The following MPP2 variants were observed in gnomAD, a reference collection of about 807,000 sequenced individuals.
The protein encoded by MPP2 is MAGUK p55 scaffold protein 2, also known as MAGUK p55 subfamily member 2.
MPP2 carries 42 observed loss-of-function variants against 58.5 expected under a neutral mutation model. The ratio of observed to expected loss-of-function variants is 0.72; its 90% CI spans 0.56 to 0.93. The LOEUF is 0.93. MPP2 is among the 40% of genes least tolerant of loss of function. The pLI is 0.00. For missense variants in MPP2, 632 were observed against 760.4 expected (o/e 0.83, Z 1.99); for synonymous variants, 300 against 307.8 (o/e 0.97, Z 0.26).
upstream of MPP2, chr17:43,908,027 G>C (rs2048358642): frequency 1.0e-6 from 1 of 958,674 alleles, no homozygotes; most frequent in Non-Finnish European, 1.2e-6. Context: ...TAAGGACTCA[G>C]AGGGTGGATA....
In MPP2 at chr17:43,882,944, C is replaced by T. The variant is rs368984397; in HGVS notation, c.412G>A (p.Val138Met). 13 of 1,614,196 alleles carry T rather than the reference C, an allele frequency of 8.1e-6. No homozygotes were observed. Among genetic ancestry groups the T allele is most frequent in the Non-Finnish European group, 9.3e-6 (11 of 1,180,040 alleles). ...FSNQPVPPDAVRMVGIRKTAG... is the reference protein window; with the variant it reads ...FSNQPVPPDAMRMVGIRKTAG... ...GTCTTGCGGATGCCCACCATGCGCACAGCATCGGGAGGTACAGGCTGGTTG... is the reference window on the plus strand; with the variant it reads ...GTCTTGCGGATGCCCACCATGCGCATAGCATCGGGAGGTACAGGCTGGTTG... Residue 138 changes from valine (V) to methionine (M), a missense_variant, in exon 5 of 13, where the codon GTG becomes ATG. By Grantham distance (21) the Val-to-Met change is conservative. Transcript: ENST00000269095.
At chr17:43,901,374 C>A in intron 2 of MPP2, 2 of 985,504 alleles carry the variant, frequency 2.0e-6, no homozygotes, top group Non-Finnish European at 2.4e-6. Flanking sequence ...GCAAGTCAGG[C>A]ATCTTGGAAC....
intron 12 of MPP2, 121 bp from the exon 13 acceptor site, chr17:43,878,104 G>A: frequency 1.8e-6 from 2 of 1,109,316 alleles, no homozygotes; most frequent in Non-Finnish European, 2.5e-6. Flanking sequence ...TGGACTCCCT[G>A]GCTAGGGAGG....
At chr17:43,907,250 G>A (rs1215870999) in intron 1 of MPP2, 8 of 985,558 alleles carry the variant, frequency 8.1e-6, no homozygotes, top group Non-Finnish European at 9.6e-6. Context: ...CCTACCGCAG[G>A]GGCGGGGACC....
intron 8 of MPP2, 28 bp downstream of exon 8, chr17:43,881,216 G>C: frequency 6.2e-7 from 1 of 1,613,630 alleles, no homozygotes; most frequent in Non-Finnish European, 8.5e-7. Context: ...TCCCAGATTG[G>C]AGGTGTGGGG....
At chr17:43,886,485 T>C (rs1401771441) in intron 3 of MPP2, among the ~76,000 whole-genome samples, 3 of 152,190 alleles carry the variant, frequency 2.0e-5, no homozygotes, top group Non-Finnish European at 4.4e-5. Flanking sequence ...CCAGTCTCCA[T>C]GGGTATTTAG....
chr17:43,909,286 G>A (rs1014208347), upstream of MPP2, among the ~76,000 whole-genome samples: 10 of 152,038 alleles, frequency 6.6e-5, no homozygotes, highest in African/African-American at 1.5e-4. Flanking sequence ...GGCTGGTCTC[G>A]AACTCCTGAC....
Position 43,880,118 on chromosome 17 carries a change from T to C in MPP2, c.1151-134A>G, listed in dbSNP as rs1361561034. 1.0e-5 allele frequency: 8 copies of C among 779,098 alleles called. No homozygotes were observed. The highest frequency in any genetic ancestry group is 4.4e-5 in the Admixed American group (2 of 45,000). The allele number at this position is 779,098 out of a possible 1,614,324, so 48.3% of individuals were successfully genotyped here. A position where few individuals can be genotyped will look rare whatever the true frequency, so the allele number is the denominator to read the frequency against. On this transcript the variant is annotated intron_variant, in intron 10 of 12. Coordinates refer to ENST00000269095, the MANE Select transcript of MPP2 (RefSeq NM_005374.5). The surrounding 1 kb of genome is among the most constrained non-coding windows in gnomAD (Gnocchi z 5.2). ...AGTCTGCTCCCCATCTTGCCAGCAC[T>C]GCTGCCTTTGCACACACCTGCCCCC...
chr17:43,881,380 G>A (rs947303739), intron 7 of MPP2, 31 bp from the exon 8 acceptor site: 1 of 1,614,054 alleles, frequency 6.2e-7, no homozygotes, highest in Non-Finnish European at 8.5e-7. Flanking sequence ...AGATCTGCCT[G>A]AGCAAGAGGA....
chr17:43,884,677 T>G (rs2047290997), intron 3 of MPP2, among the ~76,000 whole-genome samples: 1 of 152,262 alleles, frequency 6.6e-6, no homozygotes, highest in South Asian at 2.1e-4. Context: ...TGAGACTATG[T>G]GACTATTCTG....
At chr17:43,898,632 A>G (rs2047956398) in intron 2 of MPP2, among the ~76,000 whole-genome samples, 1 of 152,170 alleles carries the variant, frequency 6.6e-6, no homozygotes. Context: ...AGCAGGTGGG[A>G]GGCTCCAGGC....
rs773173911 is a variant in MPP2, at chr17:43,879,271, T to C, written c.1482+4A>G. On this transcript the variant is annotated splice_donor_region_variant and intron_variant, in intron 12 of 12. Coordinates refer to ENST00000269095, the MANE Select transcript of MPP2 (RefSeq NM_005374.5). This position sits in a 1 kb window ranked among gnomAD's most constrained non-coding sequence, Gnocchi z 4.1. Reference sequence around the variant, plus strand: ...ACCCCTCCCCCACACCTCAGAGCCCTCACCGTGAGCTGCTTGGTGGATATT... The same window carrying C: ...ACCCCTCCCCCACACCTCAGAGCCCCCACCGTGAGCTGCTTGGTGGATATT... 1 of 1,608,290 alleles carries C rather than the reference T, an allele frequency of 6.2e-7. No homozygotes were observed. Among genetic ancestry groups the C allele is most frequent in the Non-Finnish European group, 8.5e-7 (1 of 1,175,542 alleles).
In MPP2 at chr17:43,881,978, T is replaced by A. The variant is rs187812529; in HGVS notation, c.681+306A>T. 5.3e-4 allele frequency among the ~76,000 whole-genome samples: 80 copies of A among 152,320 alleles called. 2 individuals are homozygous for A. The East Asian group carries it at 0.015, about 28-fold the overall frequency. On this transcript the variant is annotated intron_variant, in intron 6 of 12. Coordinates refer to ENST00000269095, the MANE Select transcript of MPP2 (RefSeq NM_005374.5). ...CCAGGAGACAGCTATCCAGGACATA[T>A]GACAACCCCACCCTGCGCACGCGCA...
At chr17:43,900,967 G>T (rs2048073798) in intron 2 of MPP2, among the ~76,000 whole-genome samples, 1 of 151,912 alleles carries the variant, frequency 6.6e-6, no homozygotes, top group Admixed American at 6.6e-5. Flanking sequence ...AAAAGTCTTG[G>T]CCCATCTTGT....
chr17:43,884,364 TTTG>T (rs1400109305), intron 3 of MPP2, among the ~76,000 whole-genome samples: 29 of 152,050 alleles, frequency 1.9e-4, no homozygotes, highest in African/African-American at 6.7e-4. Flanking sequence ...TTTCAGAACA[TTTG>T]TTGTTTTGTT....
chr17:43,907,633 C>T (rs934981438), upstream of MPP2: 3 of 985,482 alleles, frequency 3.0e-6, no homozygotes, highest in Non-Finnish European at 3.6e-6. Context: ...ACGCGGAGGC[C>T]GGCACAACTC....
At position 43,878,034 on chromosome 17, in the gene MPP2, C is replaced by G; in HGVS notation, c.1483-51G>C. 3 of 1,558,466 alleles carry G rather than the reference C, an allele frequency of 1.9e-6. No individual in the cohort carries two copies. The South Asian group carries it at 3.5e-5, about 18-fold the overall frequency. On this transcript the variant is annotated intron_variant, in intron 12 of 12. Transcript: ENST00000269095. ...TACAGTCAGTGCCCACAACTCACCC[C>G]CACTGTCAGAAGGAGCTACAGCTGC...
upstream of MPP2, chr17:43,907,910 C>G (rs1314770645): frequency 2.0e-5 from 20 of 985,298 alleles, no homozygotes; most frequent in Non-Finnish European, 2.3e-5. Flanking sequence ...CTCACTTTTC[C>G]TCGTTATCCT....
intron 3 of MPP2, among the ~76,000 whole-genome samples, chr17:43,891,320 G>C (rs1450319035): frequency 6.6e-6 from 1 of 152,130 alleles, no homozygotes; most frequent in Non-Finnish European, 1.5e-5. Flanking sequence ...AGGAGTTCAA[G>C]GCCAGCCTGG....
Sources: gnomAD v4.1 joint callset for allele counts (sites outside exome capture counted in the v4.1 genomes callset) on GRCh38, gnomAD v4.1.1 for gene constraint, Gnocchi (gnomAD v3.1) non-coding constraint, MANE v1.5 for transcripts, NCBI Gene and HGNC (gene_info 2026-07-23, HGNC 2026-07-21) for gene names.